Variants in WDR33 observed in about 807,000 individuals in gnomAD.
WDR33 encodes the protein WD repeat domain 33.
In WDR33, 47 loss-of-function variants were observed where a neutral mutation model predicts 164.9. The ratio of observed to expected loss-of-function variants is 0.29; its 90% CI spans 0.23 to 0.36. The LOEUF is 0.36. Ranked by LOEUF, WDR33 falls within the 10% of genes least tolerant of loss-of-function variation. WDR33 has a pLI of 1.00. For missense variants in WDR33, 1,137 were observed against 1,754.1 expected (o/e 0.65, Z 6.28); for synonymous variants, 505 against 589.0 (o/e 0.86, Z 2.06).
At chr2:127,746,039 A>C (rs1041306278) in intron 7 of WDR33, among the ~76,000 whole-genome samples, 8 of 127,146 alleles carry the variant, frequency 6.3e-5, no homozygotes, top group African/African-American at 2.7e-4. Context: ...ACATAAAATA[A>C]TTAAAAAAAA....
intron 1 of WDR33, among the ~76,000 whole-genome samples, chr2:127,785,381 T>A (rs1410608985): frequency 6.6e-6 from 1 of 152,224 alleles, no homozygotes; most frequent in Non-Finnish European, 1.5e-5. Flanking sequence ...TCACTCTTGA[T>A]GTGCTTTCTC....
intron 1 of WDR33, among the ~76,000 whole-genome samples, chr2:127,799,293 A>T (rs1689153170): frequency 6.6e-6 from 1 of 152,136 alleles, no homozygotes; most frequent in Non-Finnish European, 1.5e-5. Flanking sequence ...CACCATAAAA[A>T]AATCAAAACA....
At chr2:127,771,418 A>G (rs1687998394) in intron 1 of WDR33, among the ~76,000 whole-genome samples, 1 of 152,234 alleles carries the variant, frequency 6.6e-6, no homozygotes, top group South Asian at 2.1e-4. Context: ...AAAATACTAT[A>G]TTATAATCTT....
intron 1 of WDR33, among the ~76,000 whole-genome samples, chr2:127,776,075 C>CA (rs1264624504): frequency 2.6e-5 from 4 of 152,192 alleles, no homozygotes; most frequent in Non-Finnish European, 5.9e-5. Flanking sequence ...CAAAAATTCA[C>CA]AAATGTAAGT....
rs1485442934 is a variant in WDR33, at chr2:127,716,496, C to A, written c.2869+659G>T. Among the ~76,000 whole-genome samples the A allele has an allele frequency of 1.3e-5, 2 of 152,198 alleles. No individual in the cohort carries two copies. Among genetic ancestry groups the A allele is most frequent in the Non-Finnish European group, 2.9e-5 (2 of 68,032 alleles). ...CACCCCCTGCAACTCTCCCCAACAG[C>A]GTGCTGCTCACCACGCTCCTGCTCC... On this transcript the variant is annotated intron_variant, in intron 17 of 21. Transcript: ENST00000322313. This position sits in a 1 kb window ranked among gnomAD's most constrained non-coding sequence, Gnocchi z 4.5.
intron 7 of WDR33, among the ~76,000 whole-genome samples, chr2:127,746,798 T>C (rs1449572009): frequency 1.3e-5 from 2 of 152,254 alleles, no homozygotes; most frequent in Non-Finnish European, 2.9e-5. Flanking sequence ...ACTTAACCAC[T>C]GTAAACAGTA....
Position 127,709,595 on chromosome 2 carries a change from G to A in WDR33, c.3473-13C>T, listed in dbSNP as rs778890282. The A allele has an allele frequency of 1.2e-5, 20 of 1,612,542 alleles. No homozygotes were observed. In the Admixed American group the frequency reaches 2.5e-4, roughly 20 times the overall value. ...CCCTTCCTTCCTCCTACACAACAGAGCAAACAATGCTGCACTCAGACTGTT... is the reference window on the plus strand; with the variant it reads ...CCCTTCCTTCCTCCTACACAACAGAACAAACAATGCTGCACTCAGACTGTT... On this transcript the variant is annotated splice_polypyrimidine_tract_variant and intron_variant, in intron 19 of 21. Transcript: ENST00000322313. The surrounding 1 kb of genome is among the most constrained non-coding windows in gnomAD (Gnocchi z 5.0).
intron 1 of WDR33, among the ~76,000 whole-genome samples, chr2:127,803,002 C>CTT (rs1441686110): frequency 6.6e-6 from 1 of 151,798 alleles, no homozygotes; most frequent in Non-Finnish European, 1.5e-5. Flanking sequence ...AACAAAAAAA[C>CTT]TAAATTAAGA....
chr2:127,790,322 C>T (rs879772788), intron 1 of WDR33, among the ~76,000 whole-genome samples: 4 of 152,130 alleles, frequency 2.6e-5, no homozygotes, highest in Admixed American at 6.6e-5. Context: ...CCTTTTTATA[C>T]TATATATTGC....
At chr2:127,801,522 C>CAA (rs78069448) in intron 1 of WDR33, among the ~76,000 whole-genome samples, 2 of 136,600 alleles carry the variant, frequency 1.5e-5, no homozygotes, top group Admixed American at 7.6e-5. Context: ...AAACACACAA[C>CAA]AAAAAAAAAA....
At chr2:127,771,133 G>C (rs1471195673) in intron 1 of WDR33, 129 bp from the exon 2 acceptor site, 9 of 724,558 alleles carry the variant, frequency 1.2e-5, no homozygotes, top group East Asian at 2.7e-5. Context: ...CTTACACAAT[G>C]AACTACAGTC....
chr2:127,737,531 A>G, intron 7 of WDR33: 3 of 986,288 alleles, frequency 3.0e-6, no homozygotes, highest in South Asian at 4.7e-5. Flanking sequence ...AAAGACATTC[A>G]AAAGATTGAT....
intron 1 of WDR33, among the ~76,000 whole-genome samples, chr2:127,782,262 G>T (rs551472521): frequency 6.6e-6 from 1 of 151,956 alleles, no homozygotes; most frequent in South Asian, 2.1e-4. Flanking sequence ...CAAAAAATTA[G>T]CCAGGGAAAG....
At chr2:127,729,453 T>C (rs79322877) in intron 7 of WDR33, among the ~76,000 whole-genome samples, 31 of 151,962 alleles carry the variant, frequency 2.0e-4, no homozygotes, top group East Asian at 1.2e-3. Context: ...CAGTGAAGGA[T>C]AGTACCTAGC....
intron 1 of WDR33, among the ~76,000 whole-genome samples, chr2:127,804,834 G>C (rs1371526246): frequency 6.6e-6 from 1 of 152,120 alleles, no homozygotes; most frequent in African/African-American, 2.4e-5. Flanking sequence ...AATATTTTGA[G>C]AAGTGAGGTA....
rs758675128 is a variant in WDR33, at chr2:127,724,495, T to C, written c.1086-52A>G. ...TTGTTCACAAAAGTTACCCAGCTTC[T>C]CCCTCCCCCTCAAAAAAGACATTTT... On this transcript the variant is annotated intron_variant, in intron 10 of 21. Coordinates refer to ENST00000322313, the MANE Select transcript of WDR33 (RefSeq NM_018383.5). This position sits in a 1 kb window ranked among gnomAD's most constrained non-coding sequence, Gnocchi z 4.8. The C allele has an allele frequency of 6.7e-7, 1 of 1,482,874 alleles. No individual in the cohort carries two copies. Among genetic ancestry groups the C allele is most frequent in the Non-Finnish European group, 9.4e-7 (1 of 1,066,350 alleles). The allele number at this position is 1,482,874 out of a possible 1,614,324, so 91.9% of individuals were successfully genotyped here.
chr2:127,736,960 T>A, intron 7 of WDR33: 1 of 985,340 alleles, frequency 1.0e-6, no homozygotes, highest in Non-Finnish European at 1.2e-6. Flanking sequence ...AGTTAATTGA[T>A]AACAATTTGA....
At chr2:127,725,735 AAATAATAATAATAAT>A (rs56352036) in intron 8 of WDR33, among the ~76,000 whole-genome samples, 8,398 of 141,088 alleles carry the variant, frequency 0.06, 300 homozygotes, top group Non-Finnish European at 0.083. Flanking sequence ...CTCTGTCTCA[AAATAATAATAATAAT>A]AATAATAATA....
At chr2:127,792,974 CCA>C (rs1688894265) in intron 1 of WDR33, among the ~76,000 whole-genome samples, 1 of 152,000 alleles carries the variant, frequency 6.6e-6, no homozygotes, top group African/African-American at 2.4e-5. Context: ...AGAAACATTA[CCA>C]CAGATTGCCT....
Sources: allele counts gnomAD v4.1 joint callset (sites outside exome capture counted in the v4.1 genomes callset), GRCh38; gene constraint gnomAD v4.1.1; non-coding constraint Gnocchi (gnomAD v3.1); transcripts MANE v1.5; gene names NCBI Gene and HGNC (gene_info 2026-07-23, HGNC 2026-07-21).